The following CDK13 variants were observed in gnomAD, a reference collection of about 807,000 sequenced individuals.
CDK13 encodes cyclin-dependent kinase 13.
Under a neutral mutation model 137.6 loss-of-function variants are expected in CDK13, and 40 were observed. The observed-to-expected ratio is 0.29, with a 90% CI of 0.23 to 0.38. CDK13 has a LOEUF of 0.38. CDK13 is among the 10% of genes least tolerant of loss of function. The probability of loss-of-function intolerance (pLI) is 1.00; values close to 1 mark genes in which losing one functional copy is unlikely to be tolerated. For synonymous variants in CDK13, 869 were observed against 760.1 expected (o/e 1.14, Z -2.36); for missense variants, 1,704 against 1,951.8 (o/e 0.87, Z 2.39).
At chr7:39,971,388 G>A (rs1289809712) in intron 1 of CDK13, among the ~76,000 whole-genome samples, 1 of 151,900 alleles carries the variant, frequency 6.6e-6, no homozygotes, top group African/African-American at 2.4e-5. Flanking sequence ...GTGGTGATGT[G>A]CACCTGTAAT....
chr7:39,969,112 C>T (rs1204468036), intron 1 of CDK13, among the ~76,000 whole-genome samples: 3 of 152,024 alleles, frequency 2.0e-5, no homozygotes, highest in Non-Finnish European at 2.9e-5. Flanking sequence ...CAGGTTCAAG[C>T]GATTCCCCTG....
chr7:39,951,934 C>CTTATT, intron 1 of CDK13, 82 bp downstream of exon 1: 1 of 1,277,946 alleles, frequency 7.8e-7, no homozygotes, highest in South Asian at 2.9e-5. Context: ...TGCCCGGGTC[C>CTTATT]TCAGAACGAC....
At position 40,062,808 on chromosome 7, in the gene CDK13, G is replaced by C. The variant is rs1207797226; in HGVS notation, c.2601-18G>C. The C allele has an allele frequency of 2.6e-6, 4 of 1,538,472 alleles. No individual in the cohort carries two copies. Among genetic ancestry groups the C allele is most frequent in the Non-Finnish European group, 3.6e-6 (4 of 1,111,590 alleles). On this transcript the variant is annotated intron_variant, in intron 7 of 13. Transcript: ENST00000181839. ...CCAACAAATACTAACTCTAAAGACT[G>C]TTTTCTGTGTTTTTTAGTCGGCCGT...
At chr7:39,971,447 G>A (rs1484089575) in intron 1 of CDK13, among the ~76,000 whole-genome samples, 1 of 152,150 alleles carries the variant, frequency 6.6e-6, no homozygotes, top group African/African-American at 2.4e-5. Context: ...AGCCCAGGAG[G>A]CGGAGGTTGC....
intron 3 of CDK13, 55 bp from the exon 4 acceptor site, chr7:39,999,302 TAGAC>T (rs1225165679): frequency 5.7e-6 from 8 of 1,405,130 alleles, no homozygotes; most frequent in Admixed American, 2.1e-5. Context: ...ATTGAGTTAT[TAGAC>T]AGTTTATTCA....
intron 1 of CDK13, among the ~76,000 whole-genome samples, chr7:39,962,804 G>A (rs1318696030): frequency 6.6e-6 from 1 of 152,122 alleles, no homozygotes; most frequent in Admixed American, 6.5e-5. Flanking sequence ...TTTTGTATAA[G>A]GTGTAAGGAA....
chr7:40,033,405 G>A (rs1785419330), intron 5 of CDK13, among the ~76,000 whole-genome samples: 1 of 152,154 alleles, frequency 6.6e-6, no homozygotes, highest in African/African-American at 2.4e-5. Flanking sequence ...CTATATCTGA[G>A]TCTGACTCTG....
At chr7:40,090,804 C>T (rs1048746115) in intron 12 of CDK13, among the ~76,000 whole-genome samples, 1 of 152,116 alleles carries the variant, frequency 6.6e-6, no homozygotes, top group Non-Finnish European at 1.5e-5. Flanking sequence ...CCTAGGAGGT[C>T]GAGACTGCAG....
In CDK13 at chr7:39,950,758, G is replaced by A. The variant is rs960133130; in HGVS notation, c.117G>A (p.Leu39=). The change falls in exon 1 of 14, where the codon CTG becomes CTA. Residue 39 remains leucine, a synonymous_variant. Coordinates refer to ENST00000181839, the MANE Select transcript of CDK13 (RefSeq NM_003718.5). ...TCCTGTCCCCTCAGCAGCCGCCGCT[G>A]CTGTTGCCGCTCCTGCAGCCGCAGC... ...RRFLSPQQPP[L]LLPLLQPQLL... is the part of the protein sequence containing the mutation. 1.4e-6 allele frequency: 2 copies of A among 1,476,342 alleles called. No homozygotes were observed. Among genetic ancestry groups the A allele is most frequent in the African/African-American group, 2.9e-5 (2 of 68,208 alleles). The allele number at this position is 1,476,342 out of a possible 1,614,324, so 91.5% of individuals were successfully genotyped here.
chr7:40,003,004 A>C (rs1228362782), intron 5 of CDK13, among the ~76,000 whole-genome samples: 1 of 151,736 alleles, frequency 6.6e-6, no homozygotes, highest in Non-Finnish European at 1.5e-5. Context: ...TCTTGAGTGC[A>C]GGAGATAGAG....
At chr7:40,002,534 TA>T (rs1430987096) in intron 5 of CDK13, among the ~76,000 whole-genome samples, 3 of 152,174 alleles carry the variant, frequency 2.0e-5, no homozygotes, top group Non-Finnish European at 4.4e-5. Context: ...TTAGCCTGCT[TA>T]TTAAAGTAGT....
At chr7:39,986,189 T>A (rs1041853402) in intron 1 of CDK13, 3 of 152,220 alleles carry the variant, frequency 2.0e-5, no homozygotes, top group African/African-American at 4.8e-5. Context: ...TAACTATGCA[T>A]ACTTTACTGG....
Position 40,024,223 on chromosome 7 carries a change from A to G in CDK13, c.2354-21613A>G, listed in dbSNP as rs111881053. Among the ~76,000 whole-genome samples, 291 of 152,214 alleles carry G rather than the reference A, an allele frequency of 1.9e-3. 2 individuals carry two copies. Among genetic ancestry groups the G allele is most frequent in the African/African-American group, 6.5e-3 (269 of 41,534 alleles). On this transcript the variant is annotated intron_variant, in intron 5 of 13. Coordinates refer to ENST00000181839, the MANE Select transcript of CDK13 (RefSeq NM_003718.5). ...CCCTCTCCACTCACTCCTTACCTTC[A>G]GCGCTAACCCTACCCACATATTTCC...
intron 12 of CDK13, 52 bp from the exon 13 acceptor site, chr7:40,092,733 T>TG (rs753477253): frequency 1.5e-6 from 2 of 1,340,478 alleles, no homozygotes; most frequent in East Asian, 4.6e-5. Context: ...GGTGTGGGAG[T>TG]GGGAGGAGCT....
At chr7:39,967,383 C>T (rs17496185) in intron 1 of CDK13, among the ~76,000 whole-genome samples, 3,407 of 151,862 alleles carry the variant, frequency 0.022, 118 homozygotes, top group African/African-American at 0.079. Context: ...GCTGAGATCG[C>T]GCCACGCCTC....
chr7:39,958,093 G>A (rs1250959345), intron 1 of CDK13, among the ~76,000 whole-genome samples: 1 of 152,014 alleles, frequency 6.6e-6, no homozygotes, highest in African/African-American at 2.4e-5. Flanking sequence ...AGAACCTAGT[G>A]TTTTTTATGT....
At chr7:40,067,433 C>G (rs952370370) in intron 9 of CDK13, 2 of 152,270 alleles carry the variant, frequency 1.3e-5, no homozygotes, top group African/African-American at 4.8e-5. Context: ...AATCCCAGCT[C>G]CTTGGGAGGC....
intron 5 of CDK13, among the ~76,000 whole-genome samples, chr7:40,035,376 C>T (rs115299268): frequency 0.04 from 6,053 of 152,050 alleles, 358 homozygotes; most frequent in African/African-American, 0.13. Context: ...GGAACTGGGC[C>T]GCACAGTAGG....
intron 5 of CDK13, among the ~76,000 whole-genome samples, chr7:40,030,294 A>G (rs541947156): frequency 1.1e-3 from 172 of 149,990 alleles, no homozygotes; most frequent in African/African-American, 3.8e-3. Context: ...GAGAGAGAGA[A>G]AGTCATTCAG....
Sources: allele counts gnomAD v4.1 joint callset (sites outside exome capture counted in the v4.1 genomes callset), GRCh38; gene constraint gnomAD v4.1.1; transcripts MANE v1.5; gene names NCBI Gene and HGNC (gene_info 2026-07-23, HGNC 2026-07-21).